SERHL2: variants seen among roughly 807,000 people sequenced by gnomAD.
The protein encoded by SERHL2 is serine hydrolase like 2.
A neutral mutation model predicts 25.5 loss-of-function variants in SERHL2; 29 were observed. The observed-to-expected ratio is 1.14, with a 90% CI of 0.85 to 1.55. The LOEUF (loss-of-function observed/expected upper bound fraction) is 1.55, where lower values mean the gene tolerates loss of function less well. Among genes scored for constraint, SERHL2 ranks in the 40% most tolerant of loss-of-function variants. The pLI is 0.00. For synonymous variants in SERHL2, 95 were observed against 103.5 expected (o/e 0.92, Z 0.50); for missense variants, 240 against 252.3 (o/e 0.95, Z 0.33).
intron 9 of SERHL2, among the ~76,000 whole-genome samples, chr22:42,567,690 A>G (rs995147167): frequency 6.6e-6 from 1 of 150,552 alleles, no homozygotes; most frequent in Non-Finnish European, 1.5e-5. Context: ...ATAAATAAAT[A>G]AAAAAAATAA....
chr22:42,572,666 C>G lies in SERHL2; in HGVS notation c.825+137C>G, dbSNP rs1924399259. 3.5e-6 allele frequency: 5 copies of G among 1,428,618 alleles called. No homozygotes were observed. The African/African-American group carries it at 5.7e-5, about 16-fold the overall frequency. The allele number at this position is 1,428,618 out of a possible 1,614,324, so 88.5% of individuals were successfully genotyped here. ...CAAGTGACCACCAGGATCTATCAGG[C>G]CTCATGCTCCACTGTGGTCAGTCCC... On this transcript the variant is annotated intron_variant, in intron 11 of 11. Transcript: ENST00000327678.
intron 10 of SERHL2, among the ~76,000 whole-genome samples, chr22:42,572,137 C>T (rs566328811): frequency 3.9e-5 from 6 of 152,186 alleles, no homozygotes; most frequent in South Asian, 2.1e-4. Context: ...TGGGCTCCAG[C>T]GCCTGTTCAG....
rs376451858 is a variant in SERHL2 at position 42,572,507 on chromosome 22, C to A, written c.803C>A (p.Thr268Lys). Reference protein sequence around the residue: ...EKESLSFMIDTMKSTLKEQFQ... With the variant: ...EKESLSFMIDKMKSTLKEQFQ... Reference sequence around the variant, plus strand: ...GAGTCCCTGTCGTTCATGATAGACACGATGAAATCCACCCTCAAAGAGGTA... The same window carrying A: ...GAGTCCCTGTCGTTCATGATAGACAAGATGAAATCCACCCTCAAAGAGGTA... The change falls in exon 11 of 12, where the codon ACG (threonine) becomes AAG (lysine). Residue 268 changes from threonine (T) to lysine (K), a missense_variant. By Grantham distance (78) the Thr-to-Lys change is moderately conservative. This residue lies in a region of SERHL2 where 212 missense variants were observed against 168.9 expected (regional missense o/e 1.25). Transcript: ENST00000327678. 3 of 1,611,454 alleles carry A rather than the reference C, an allele frequency of 1.9e-6. No individual in the cohort carries two copies. The highest frequency in any genetic ancestry group is 1.7e-5 in the Admixed American group (1 of 59,962).
intron 9 of SERHL2, among the ~76,000 whole-genome samples, chr22:42,567,860 GC>G (rs1382196128): frequency 6.6e-6 from 1 of 151,376 alleles, no homozygotes; most frequent in Non-Finnish European, 1.5e-5. Flanking sequence ...CCCCCAAGTA[GC>G]TGGGATTACA....
intron 6 of SERHL2, among the ~76,000 whole-genome samples, chr22:42,557,558 A>C (rs1392339622): frequency 0.033 from 13 of 400 alleles, no homozygotes; most frequent in Admixed American, 0.045. Context: ...TCCGTCTCCC[A>C]AAAAAAAAAA....
intron 9 of SERHL2, among the ~76,000 whole-genome samples, chr22:42,568,262 A>G (rs1923681005): frequency 6.6e-6 from 1 of 151,748 alleles, no homozygotes; most frequent in Non-Finnish European, 1.5e-5. Flanking sequence ...GGCTCAAGCT[A>G]TCCTCCCGCC....
chr22:42,573,633 G>C (rs1384419845), intron 11 of SERHL2: 1 of 353,054 alleles, frequency 2.8e-6, no homozygotes, highest in African/African-American at 2.1e-5. Context: ...TTTCTCACGG[G>C]TACCTCTTCT....
chr22:42,559,725 A>C (rs1309935366), intron 7 of SERHL2, among the ~76,000 whole-genome samples: 1 of 150,878 alleles, frequency 6.6e-6, no homozygotes, highest in Non-Finnish European at 1.5e-5. Context: ...TCTCACAAAG[A>C]AAAAAAAAGA....
At chr22:42,564,994 A>G (rs950144774) in intron 8 of SERHL2, 21 of 151,960 alleles carry the variant, frequency 1.4e-4, no homozygotes, top group African/African-American at 5.1e-4. Context: ...GTGTACACGC[A>G]ACAAGGCCAT....
In SERHL2 at chr22:42,570,972, G is replaced by C. The variant is rs1924090063; in HGVS notation, c.649-149G>C. 3 of 1,003,476 alleles carry C rather than the reference G, an allele frequency of 3.0e-6. No homozygotes were observed. In the Admixed American group the frequency reaches 6.5e-5, roughly 22 times the overall value. The allele number at this position is 1,003,476 out of a possible 1,614,324, so 62.2% of individuals were successfully genotyped here. ...CCAGGGGCTAAAGAGCCTTCGATGA[G>C]GCAGTGATGTGGGGTCCTGGGCTCA... On this transcript the variant is annotated intron_variant, in intron 9 of 11. Transcript: ENST00000327678.
intron 8 of SERHL2, chr22:42,564,966 G>GCGCGCA (rs1357526455): frequency 2.8e-5 from 4 of 144,446 alleles, no homozygotes; most frequent in Admixed American, 6.7e-5. Context: ...CTCGGCGCGC[G>GCGCGCA]CGTGTGTGTG....
intron 8 of SERHL2, among the ~76,000 whole-genome samples, chr22:42,564,145 T>A (rs1923038504): frequency 6.6e-6 from 1 of 151,784 alleles, no homozygotes; most frequent in African/African-American, 2.4e-5. Flanking sequence ...TAAAAGGTCA[T>A]GCTTGACACT....
chr22:42,567,554 C>T (rs1923567484), intron 9 of SERHL2, among the ~76,000 whole-genome samples: 1 of 151,060 alleles, frequency 6.6e-6, no homozygotes, highest in Admixed American at 6.6e-5. Context: ...GTCCCAGCTA[C>T]TCGGGAGGCT....
At chr22:42,571,721 C>G (rs1243648515) in intron 10 of SERHL2, 2 of 158,936 alleles carry the variant, frequency 1.3e-5, no homozygotes, top group African/African-American at 4.8e-5. Flanking sequence ...CGTGCGTGGC[C>G]CACCATAGAC....
chr22:42,573,320 T>C (rs1217492195), intron 11 of SERHL2: 1 of 146,060 alleles, frequency 6.8e-6, no homozygotes, highest in African/African-American at 2.5e-5. Flanking sequence ...CTCGGCTCAC[T>C]CCAAGTTCCA....
intron 11 of SERHL2, chr22:42,573,633 G>A (rs1384419845): frequency 1.4e-5 from 5 of 353,054 alleles, no homozygotes; most frequent in African/African-American, 2.1e-5. Context: ...TTTCTCACGG[G>A]TACCTCTTCT....
intron 7 of SERHL2, among the ~76,000 whole-genome samples, chr22:42,559,051 G>A (rs1325718340): frequency 3.9e-4 from 24 of 61,650 alleles, no homozygotes; most frequent in Admixed American, 1.7e-4. Context: ...ACACGCACGC[G>A]CACACACACC....
At chr22:42,559,761 G>A (rs1339892317) in intron 7 of SERHL2, among the ~76,000 whole-genome samples, 2 of 151,750 alleles carry the variant, frequency 1.3e-5, no homozygotes, top group Admixed American at 6.6e-5. Context: ...ACACATGCAC[G>A]CTTTGTGGGT....
intron 8 of SERHL2, chr22:42,563,264 C>T (rs137030): frequency 0.17 from 31,219 of 183,664 alleles, 3,427 homozygotes; most frequent in African/African-American, 0.3. Context: ...AATGCAGTGG[C>T]GTGACCATGG....
Sources: allele counts gnomAD v4.1 joint callset (sites outside exome capture counted in the v4.1 genomes callset), GRCh38; gene constraint gnomAD v4.1.1; regional missense constraint gnomAD v4.1.1; transcripts MANE v1.5; gene names NCBI Gene and HGNC (gene_info 2026-07-23, HGNC 2026-07-21).